ABR: variants seen among roughly 807,000 people sequenced by gnomAD.
ABR encodes ABR activator of RhoGEF and GTPase.
ABR carries 35 observed loss-of-function variants against 107.2 expected under a neutral mutation model. That is an observed-to-expected ratio of 0.33 (90% CI 0.25 to 0.43). The LOEUF is 0.43. ABR is among the 20% of genes least tolerant of loss of function. The pLI is 1.00. For missense variants in ABR, 815 were observed against 1,115.2 expected (o/e 0.73, Z 3.83); for synonymous variants, 498 against 462.0 (o/e 1.08, Z -1.00).
chr17:1,101,934 C>G (rs762372532), intron 2 of ABR, among the ~76,000 whole-genome samples: 1 of 152,032 alleles, frequency 6.6e-6, no homozygotes, highest in Non-Finnish European at 1.5e-5. Flanking sequence ...GGGATTTCAC[C>G]GTGTTAGCCA....
intron 9 of ABR, among the ~76,000 whole-genome samples, chr17:1,069,372 G>A (rs780097386): frequency 6.6e-6 from 1 of 152,132 alleles, no homozygotes; most frequent in Non-Finnish European, 1.5e-5. Flanking sequence ...GTTTTTAAAA[G>A]GAAAAAACCG....
chr17:1,048,986 C>G (rs549145295), intron 16 of ABR, among the ~76,000 whole-genome samples: 25 of 152,306 alleles, frequency 1.6e-4, no homozygotes, highest in African/African-American at 6.0e-4. Context: ...AGGTACCAGA[C>G]GGGAGTGTGA....
chr17:1,089,433 T>C (rs533719264), intron 4 of ABR, among the ~76,000 whole-genome samples: 178 of 152,350 alleles, frequency 1.2e-3, no homozygotes, highest in East Asian at 8.3e-3. Flanking sequence ...TCAGAGCGGT[T>C]GGGTAAGTTG....
At chr17:1,119,489 T>G in intron 2 of ABR, among the ~76,000 whole-genome samples, 1 of 79,042 alleles carries the variant, frequency 1.3e-5, no homozygotes, top group Non-Finnish European at 3.0e-5. Flanking sequence ...TGAGCCTGAG[T>G]TCCTCCCAGC....
chr17:1,043,838 G>A (rs1279546317), intron 16 of ABR, among the ~76,000 whole-genome samples: 3 of 152,270 alleles, frequency 2.0e-5, no homozygotes, highest in Non-Finnish European at 2.9e-5. Context: ...GGCACAGGGA[G>A]CAGAGGTGGA....
At chr17:1,072,566 T>C in intron 8 of ABR, 48 bp downstream of exon 8, 1 of 1,556,684 alleles carries the variant, frequency 6.4e-7, no homozygotes, top group Non-Finnish European at 8.7e-7. Context: ...ACGAGGGACC[T>C]GATACTTCTC....
At chr17:1,039,274 G>A (rs948964455) in intron 16 of ABR, among the ~76,000 whole-genome samples, 7 of 152,086 alleles carry the variant, frequency 4.6e-5, no homozygotes, top group Admixed American at 2.6e-4. Context: ...GGAGGGGAGC[G>A]GGGGGAGCCG....
intron 1 of ABR, among the ~76,000 whole-genome samples, chr17:1,170,394 T>G (rs2041663483): frequency 6.6e-6 from 1 of 152,178 alleles, no homozygotes; most frequent in Non-Finnish European, 1.5e-5. Flanking sequence ...AGTCCCTGGC[T>G]TGTAGTCTGC....
At chr17:1,113,805 G>T (rs1208007554) in intron 2 of ABR, among the ~76,000 whole-genome samples, 2 of 152,232 alleles carry the variant, frequency 1.3e-5, no homozygotes, top group African/African-American at 4.8e-5. Context: ...AGTCTCCTCT[G>T]GTTCCCTCTG....
At chr17:1,225,039 C>T (rs1440429410) in intron 1 of ABR, among the ~76,000 whole-genome samples, 1 of 151,494 alleles carries the variant, frequency 6.6e-6, no homozygotes, top group Non-Finnish European at 1.5e-5. Flanking sequence ...GTCCCAGCTA[C>T]TCAGGAGGCT....
chr17:1,069,215 G>A (rs2035010804), intron 9 of ABR, among the ~76,000 whole-genome samples: 1 of 152,162 alleles, frequency 6.6e-6, no homozygotes, highest in Admixed American at 6.5e-5. Context: ...TTAAAAACAG[G>A]GAAGGAAGCA....
At chr17:1,104,966 T>C (rs181715223) in intron 2 of ABR, among the ~76,000 whole-genome samples, 1 of 151,928 alleles carries the variant, frequency 6.6e-6, no homozygotes, top group East Asian at 1.9e-4. Flanking sequence ...TACCACCACC[T>C]GCACTATTCT....
intron 16 of ABR, among the ~76,000 whole-genome samples, chr17:1,023,119 A>AGAGCCTCTGCCTGCCCCACGTCCACTG (rs1167753663): frequency 1.0e-5 from 1 of 98,986 alleles, no homozygotes; most frequent in African/African-American, 3.9e-5. Flanking sequence ...CACGTCCACT[A>AGAGCCTCTGCCTGCCCCACGTCCACTG]CAGCGCCTCT....
At chr17:1,021,103 C>T (rs1427202045) in intron 16 of ABR, among the ~76,000 whole-genome samples, 1 of 152,172 alleles carries the variant, frequency 6.6e-6, no homozygotes, top group East Asian at 1.9e-4. Flanking sequence ...AGTAAGGGGC[C>T]TGTGGTGGCC....
At chr17:1,175,468 G>A (rs1259133192) in intron 1 of ABR, among the ~76,000 whole-genome samples, 1 of 152,196 alleles carries the variant, frequency 6.6e-6, no homozygotes, top group African/African-American at 2.4e-5. Flanking sequence ...AGAAAGGTAA[G>A]GTACTGAGGG....
At chr17:1,112,565 C>G (rs2038736317) in intron 2 of ABR, among the ~76,000 whole-genome samples, 1 of 148,424 alleles carries the variant, frequency 6.7e-6, no homozygotes, top group Non-Finnish European at 1.5e-5. Flanking sequence ...CCACTGCACT[C>G]CAGCCTGGGC....
rs562396754 is a variant in ABR at position 1,051,378 on chromosome 17, C to A, written c.1562-744G>T. 1.1e-3 allele frequency among the ~76,000 whole-genome samples: 170 copies of A among 152,232 alleles called. 1 individual carries two copies. The highest frequency in any genetic ancestry group is 1.6e-3 in the Non-Finnish European group (107 of 67,990). The stretch of plus-strand genomic sequence containing the variant: ...CCCAGCTGGCACACGGTGAACGAGG[C>A]TCCCACCACCACCAAGCGCTCCAGG... On this transcript the variant is annotated intron_variant, in intron 14 of 22. Coordinates refer to ENST00000302538, the MANE Select transcript of ABR (RefSeq NM_021962.5). This position sits in a 1 kb window ranked among gnomAD's most constrained non-coding sequence, Gnocchi z 4.3.
rs1376647259 is a variant in ABR at position 1,010,952 on chromosome 17, C to T, written c.2102-89G>A. ...CCCATCCTGACACAGCCCCCACCCA[C>T]TCCAGCTCTGGTTCTGGTCTCCCCT... On this transcript the variant is annotated intron_variant, in intron 19 of 22. Coordinates refer to ENST00000302538, the MANE Select transcript of ABR (RefSeq NM_021962.5). This position sits in a 1 kb window ranked among gnomAD's most constrained non-coding sequence, Gnocchi z 4.1. 8 of 1,540,456 alleles carry T rather than the reference C, an allele frequency of 5.2e-6. No homozygotes were observed. The highest frequency in any genetic ancestry group is 1.4e-5 in the African/African-American group (1 of 73,850).
At chr17:1,149,425 G>GCT (rs2040704733) in intron 1 of ABR, among the ~76,000 whole-genome samples, 1 of 130,466 alleles carries the variant, frequency 7.7e-6, no homozygotes, top group South Asian at 2.5e-4. Context: ...TCTGGTTTTA[G>GCT]TTTTTTTTTT....
Sources: gnomAD v4.1 joint callset for allele counts (sites outside exome capture counted in the v4.1 genomes callset) on GRCh38, gnomAD v4.1.1 for gene constraint, Gnocchi (gnomAD v3.1) non-coding constraint, MANE v1.5 for transcripts, NCBI Gene and HGNC (gene_info 2026-07-23, HGNC 2026-07-21) for gene names.